ZNF850: variants seen among roughly 807,000 people sequenced by gnomAD.
ZNF850 encodes zinc finger protein 850, also known as putative zinc finger protein ENSP00000330994.
In ZNF850, 2 loss-of-function variants were observed where a neutral mutation model predicts 11.9. The ratio of observed to expected loss-of-function variants is 0.17; its 90% CI spans 0.07 to 0.53. The LOEUF is 0.53. ZNF850 is among the 20% of genes least tolerant of loss of function. ZNF850 has a pLI of 0.94. For synonymous variants in ZNF850, 381 were observed against 443.0 expected (o/e 0.86, Z 1.76); for missense variants, 1,014 against 1,316.4 (o/e 0.77, Z 3.55).
intron 3 of ZNF850, among the ~76,000 whole-genome samples, 168 bp downstream of exon 3, chr19:36,762,137 A>T (rs1472583508): frequency 6.6e-6 from 1 of 152,052 alleles, no homozygotes. Flanking sequence ...GGACTAGAGG[A>T]AGGTGTAGAG....
intron 4 of ZNF850, among the ~76,000 whole-genome samples, chr19:36,755,754 G>GA (rs978232777): frequency 1.5e-4 from 22 of 148,706 alleles, no homozygotes; most frequent in African/African-American, 5.2e-4. Flanking sequence ...ATCACATGAA[G>GA]AAAAAAAACA....
At position 36,744,650 on chromosome 19, in the gene ZNF850, G is replaced by C. The variant is rs1746035720; in HGVS notation, c.*3117C>G. 1 of 151,978 alleles carries C rather than the reference G, an allele frequency of 6.6e-6. No homozygotes were observed. Among genetic ancestry groups the C allele is most frequent in the Admixed American group, 6.6e-5 (1 of 15,236 alleles). The allele number at this position is 151,978 out of a possible 1,614,324, so 9.4% of individuals were successfully genotyped here. A position where few individuals can be genotyped will look rare whatever the true frequency, so the allele number is the denominator to read the frequency against. On this transcript the variant is annotated 3_prime_UTR_variant, in exon 5 of 5. Coordinates refer to ENST00000591344, the MANE Select transcript of ZNF850 (RefSeq NM_001193552.2). ...CACATGAAAAAGACAACTGTGAACT[G>C]TAAAAAGCACTCCTCCATCTTCACC...
chr19:36,755,786 T>G (rs2040482560), intron 4 of ZNF850, among the ~76,000 whole-genome samples: 1 of 151,360 alleles, frequency 6.6e-6, no homozygotes, highest in South Asian at 2.1e-4. Context: ...ACCAAAAGGC[T>G]TCAAATACTA....
intron 1 of ZNF850, among the ~76,000 whole-genome samples, chr19:36,770,469 C>G (rs1187652278): frequency 2.0e-5 from 3 of 152,034 alleles, no homozygotes; most frequent in African/African-American, 7.2e-5. Flanking sequence ...GAGGCCGAGG[C>G]AGGCAGATCA....
intron 1 of ZNF850, among the ~76,000 whole-genome samples, chr19:36,766,471 T>A (rs1600616531): frequency 6.6e-6 from 1 of 152,198 alleles, no homozygotes; most frequent in South Asian, 2.1e-4. Flanking sequence ...TGTATTCTCC[T>A]TTACACTTTG....
At chr19:36,756,449 T>A (rs2040486945) in intron 4 of ZNF850, among the ~76,000 whole-genome samples, 1 of 152,196 alleles carries the variant, frequency 6.6e-6, no homozygotes. Context: ...ATGTGTGCAT[T>A]TTTTTCTTTT....
intron 1 of ZNF850, among the ~76,000 whole-genome samples, chr19:36,765,860 A>C (rs796168813): frequency 1.1e-4 from 17 of 151,906 alleles, no homozygotes; most frequent in African/African-American, 3.6e-4. Context: ...CTGGGATTAC[A>C]GGCGTGAGCC....
Position 36,747,349 on chromosome 19 carries a change from T to C in ZNF850, c.*418A>G, listed in dbSNP as rs2040417223. On this transcript the variant is annotated 3_prime_UTR_variant, in exon 5 of 5. Transcript: ENST00000591344. ...TAAGCTTTGAATCATGATAGAAAAC[T>C]CATCTACATTCATTATCAATTTCTT... 1 of 158,272 alleles carries C rather than the reference T, an allele frequency of 6.3e-6. No homozygotes were observed. The highest frequency in any genetic ancestry group is 2.4e-5 in the African/African-American group (1 of 41,520). The allele number at this position is 158,272 out of a possible 1,614,324, so 9.8% of individuals were successfully genotyped here.
At position 36,750,354 on chromosome 19, in the gene ZNF850, T is replaced by C. The variant is rs1352771222; in HGVS notation, c.686A>G (p.Glu229Gly). Residue 229 changes from glutamate (E) to glycine (G), a missense_variant, in exon 5 of 5, where the codon GAA (glutamate) becomes GGA (glycine). Physicochemically the swap from Glu to Gly is moderately conservative, Grantham distance 98. Transcript: ENST00000591344. ...GCCAGAAATAAAAGCTTTTCCATATTCTTTACATGCACAGGGCTTTTCCCC... is the reference window on the plus strand; with the variant it reads ...GCCAGAAATAAAAGCTTTTCCATATCCTTTACATGCACAGGGCTTTTCCCC... ...HTGEKPCACK[E>G]YGKAFISGSH... 1 of 1,536,546 alleles carries C rather than the reference T, an allele frequency of 6.5e-7. No homozygotes were observed. Among genetic ancestry groups the C allele is most frequent in the East Asian group, 2.4e-5 (1 of 40,922 alleles).
rs957325608 is a variant in ZNF850, at chr19:36,743,715, G to A, written c.*4052C>T. 6.6e-6 allele frequency: 1 copy of A among 151,986 alleles called. No individual in the cohort carries two copies. Among genetic ancestry groups the A allele is most frequent in the Non-Finnish European group, 1.5e-5 (1 of 68,000 alleles). 9.4% of individuals were successfully genotyped at this position (151,986 alleles called of 1,614,324 possible). A position where few individuals can be genotyped will look rare whatever the true frequency, so the allele number is the denominator to read the frequency against. On this transcript the variant is annotated 3_prime_UTR_variant, in exon 5 of 5. Transcript: ENST00000591344. ...TCTAGAAATAAGTAAAACAAGAAAT[G>A]TGTACACTTTTATGCTAAAAATATA...
intron 4 of ZNF850, among the ~76,000 whole-genome samples, chr19:36,756,724 C>G (rs1277740906): frequency 6.6e-6 from 1 of 152,170 alleles, no homozygotes; most frequent in African/African-American, 2.4e-5. Flanking sequence ...ACCAATTTGC[C>G]TGCCTCAGCC....
At chr19:36,757,984 G>T (rs567148213) in intron 4 of ZNF850, among the ~76,000 whole-genome samples, 6 of 152,046 alleles carry the variant, frequency 3.9e-5, no homozygotes, top group Non-Finnish European at 7.4e-5. Flanking sequence ...ACTGTGCCTG[G>T]CCAAAAAGTG....
chr19:36,762,045 CAAAAA>C (rs374193379), intron 3 of ZNF850, among the ~76,000 whole-genome samples: 1 of 114,248 alleles, frequency 8.8e-6, no homozygotes. Flanking sequence ...GACTTTGTCT[CAAAAA>C]AAAAAAAAAA....
In ZNF850 at chr19:36,749,601, T is replaced by A. The variant is rs764651680; in HGVS notation, c.1439A>T (p.Lys480Met). 2.5e-5 allele frequency: 39 copies of A among 1,549,762 alleles called. No individual in the cohort carries two copies. The highest frequency in any genetic ancestry group is 3.2e-5 in the Non-Finnish European group (37 of 1,152,286). ...IHTGEKPYCC[K>M]ECGKSFTFRS... ...AAAAGTAAAAGATTTTCCACATTCC[T>A]TACAACAATAGGGTTTCTCACCAGT... Residue 480 changes from lysine to methionine, a missense_variant, in exon 5 of 5, where the codon AAG (lysine) becomes ATG (methionine). By Grantham distance (95) the Lys-to-Met change is moderately conservative (BLOSUM62 -1). This residue lies in a region of ZNF850 where 835 missense variants were observed against 1,022.0 expected (regional missense o/e 0.82). Transcript: ENST00000591344.
chr19:36,748,830 G>T lies in ZNF850; in HGVS notation c.2210C>A (p.Ser737Tyr), dbSNP rs2145954588. ...KPYDGKECGKSFTSHSTLIQH... is the reference protein window; with the variant it reads ...KPYDGKECGKYFTSHSTLIQH... ...AATTAGTGTTGAGTGAGAAGTAAAA[G>T]ATTTCCCACATTCCTTACCATCATA... Residue 737 changes from serine (S) to tyrosine (Y), a missense_variant, in exon 5 of 5, where the codon TCT becomes TAT. Transcript: ENST00000591344. 1.3e-6 allele frequency: 2 copies of T among 1,547,710 alleles called. No homozygotes were observed. Among genetic ancestry groups the T allele is most frequent in the South Asian group, 1.2e-5 (1 of 84,636 alleles).
chr19:36,754,565 A>AT (rs1174093676), intron 4 of ZNF850, among the ~76,000 whole-genome samples: 10 of 151,302 alleles, frequency 6.6e-5, no homozygotes, highest in Admixed American at 1.3e-4. Context: ...TTTTTTAGTT[A>AT]TTTTTTTTGA....
intron 1 of ZNF850, among the ~76,000 whole-genome samples, chr19:36,763,786 A>T (rs188916368): frequency 5.0e-4 from 76 of 151,876 alleles, no homozygotes; most frequent in Non-Finnish European, 8.8e-4. Context: ...TATCATATAC[A>T]AATTAGCCAG....
intron 4 of ZNF850, among the ~76,000 whole-genome samples, chr19:36,752,525 A>G (rs1040874087): frequency 6.6e-6 from 1 of 152,180 alleles, no homozygotes; most frequent in Non-Finnish European, 1.5e-5. Flanking sequence ...TCATAAGGAC[A>G]ATTTTAAAAT....
chr19:36,769,670 A>C (rs145338840), intron 1 of ZNF850, among the ~76,000 whole-genome samples: 1 of 152,192 alleles, frequency 6.6e-6, no homozygotes. Flanking sequence ...AGAACCCCCA[A>C]TGTGAACCCA....
Sources: allele counts gnomAD v4.1 joint callset (sites outside exome capture counted in the v4.1 genomes callset), GRCh38; gene constraint gnomAD v4.1.1; regional missense constraint gnomAD v4.1.1; transcripts MANE v1.5; gene names NCBI Gene and HGNC (gene_info 2026-07-23, HGNC 2026-07-21).